ATG2A: variants seen among roughly 807,000 people sequenced by gnomAD.
ATG2A encodes autophagy related 2A.
A neutral mutation model predicts 214.2 loss-of-function variants in ATG2A; 103 were observed. The observed-to-expected ratio is 0.48, with a 90% CI of 0.41 to 0.57. The LOEUF (loss-of-function observed/expected upper bound fraction) is 0.57, where lower values mean the gene tolerates loss of function less well. ATG2A is among the 20% of genes least tolerant of loss of function. ATG2A has a pLI of 0.00. For missense variants in ATG2A, 2,312 were observed against 2,613.2 expected, an observed-to-expected ratio of 0.88 and a Z score of 2.51; for synonymous variants, 1,160 against 1,142.1, an observed-to-expected ratio of 1.02 and a Z score of -0.32.
rs1464868459 is a variant in ATG2A at position 64,897,933 on chromosome 11, C to T, written c.4900G>A (p.Gly1634Arg). 1 of 1,549,390 alleles carries T rather than the reference C, an allele frequency of 6.5e-7. No homozygotes were observed. The highest frequency in any genetic ancestry group is 8.7e-7 in the Non-Finnish European group (1 of 1,149,572). Residue 1634 changes from glycine to arginine, a missense_variant, in exon 35 of 41, where the codon GGG (glycine) becomes AGG (arginine). Coordinates refer to ENST00000377264, the MANE Select transcript of ATG2A (RefSeq NM_015104.3). Reference protein sequence around the residue: ...TRAQPSSPLEGQAEGVETTGS... With the variant: ...TRAQPSSPLERQAEGVETTGS... Reference sequence around the variant, plus strand: ...GTGGTCTCTACGCCTTCGGCCTGCCCTTCCAGGGGGCTGCTGGGCTGGGCT... The same window carrying T: ...GTGGTCTCTACGCCTTCGGCCTGCCTTTCCAGGGGGCTGCTGGGCTGGGCT...
chr11:64,895,515 C>G lies in ATG2A; in HGVS notation c.5428-73G>C. ...GTCAGCCCCAGGCCCCCAGGACAGT[C>G]TGAGACCCCACCAGCCCTCAGCCTC... On this transcript the variant is annotated intron_variant, in intron 39 of 40. Transcript: ENST00000377264. The surrounding 1 kb of genome is among the most constrained non-coding windows in gnomAD (Gnocchi z 5.0). 1 of 1,438,968 alleles carries G rather than the reference C, an allele frequency of 6.9e-7. No homozygotes were observed. The highest frequency in any genetic ancestry group is 1.4e-5 in the African/African-American group (1 of 70,054). 89.1% of individuals were successfully genotyped at this position (1,438,968 alleles called of 1,614,324 possible).
In ATG2A at chr11:64,895,176, C is replaced by G. The variant is rs773533718; in HGVS notation, c.5614G>C (p.Val1872Leu). The change falls in exon 41 of 41, where the codon GTG (valine) becomes CTG (leucine). Residue 1872 changes from valine to leucine, a missense_variant. Physicochemically the swap from Val to Leu is conservative, Grantham distance 32. Transcript: ENST00000377264. This position sits in a 1 kb window ranked among gnomAD's most constrained non-coding sequence, Gnocchi z 5.0. The stretch of plus-strand genomic sequence containing the variant: ...TTCTGCTCATGGCCCCGCGATGCCA[C>G]GTCACAGATGGTCTGAGCTGTATCC... ...ILDTAQTICD[V>L]ASRGHEQKGL... The G allele has an allele frequency of 1.2e-5, 20 of 1,613,060 alleles. No individual in the cohort carries two copies. Among genetic ancestry groups the G allele is most frequent in the Non-Finnish European group, 1.6e-5 (19 of 1,179,592 alleles).
chr11:64,903,410 G>A lies in ATG2A; in HGVS notation c.3536-46C>T. 1 of 1,601,896 alleles carries A rather than the reference G, an allele frequency of 6.2e-7. No individual in the cohort carries two copies. The highest frequency in any genetic ancestry group is 8.5e-7 in the Non-Finnish European group (1 of 1,170,238). The stretch of plus-strand genomic sequence containing the variant: ...AGGTCCTGTGGCCCCCTTCCACCCG[G>A]CCCCGGCCCCAGCACCTGGGGGAAG... On this transcript the variant is annotated intron_variant, in intron 25 of 40. Transcript: ENST00000377264. This position sits in a 1 kb window ranked among gnomAD's most constrained non-coding sequence, Gnocchi z 4.2.
chr11:64,912,518 G>A, intron 6 of ATG2A, 95 bp from the exon 7 acceptor site: 2 of 1,068,726 alleles, frequency 1.9e-6, no homozygotes, highest in African/African-American at 1.6e-5. Context: ...AAAGCAGGAT[G>A]CTGGCTACCA....
chr11:64,910,959 G>A lies in ATG2A; in HGVS notation c.1467-5C>T, dbSNP rs531963843. 6.8e-6 allele frequency: 11 copies of A among 1,613,400 alleles called. No homozygotes were observed. The highest frequency in any genetic ancestry group is 1.3e-5 in the African/African-American group (1 of 75,062). ...TGCACGGCTGTGCCCGTTAGCCTGCGGGGAAGAGGACAGGCGTCAGAAGGT... is the reference window on the plus strand; with the variant it reads ...TGCACGGCTGTGCCCGTTAGCCTGCAGGGAAGAGGACAGGCGTCAGAAGGT... On this transcript the variant is annotated splice_region_variant and splice_polypyrimidine_tract_variant and intron_variant, in intron 10 of 40. Transcript: ENST00000377264.
In ATG2A at chr11:64,912,111, TTGGTAAGGGGGTC is replaced by T; in HGVS notation, c.1048_1060del (p.Asp350ThrfsTer34). On this transcript the variant is annotated frameshift_variant, in exon 8 of 41. Transcript: ENST00000377264. LOFTEE classifies it high-confidence loss of function. ...AGTGTTATCCAGGTTGAGAAGGGGG[TTGGTAAGGGGGTC>T]TGGGCTGAGGGGCTCAGCCACTGCC... is the stretch of plus-strand genomic sequence containing the variant. 1 of 1,613,226 alleles carries T rather than the reference TTGGTAAGGGGGTC, an allele frequency of 6.2e-7. No individual in the cohort carries two copies. Among genetic ancestry groups the T allele is most frequent in the Non-Finnish European group, 8.5e-7 (1 of 1,179,630 alleles).
At position 64,894,906 on chromosome 11, in the gene ATG2A, G is replaced by A. The variant is rs556994668; in HGVS notation, c.*67C>T. On this transcript the variant is annotated 3_prime_UTR_variant, in exon 41 of 41. Coordinates refer to ENST00000377264, the MANE Select transcript of ATG2A (RefSeq NM_015104.3). Reference sequence around the variant, plus strand: ...AGGGCCAGGCCGGGCCGGGCCCGTGGGCTGCAGCTCTTGGGAGGCTCAGGA... The same window carrying A: ...AGGGCCAGGCCGGGCCGGGCCCGTGAGCTGCAGCTCTTGGGAGGCTCAGGA... 1.0e-4 allele frequency: 163 copies of A among 1,579,672 alleles called. No individual in the cohort carries two copies. In the African/African-American group the frequency reaches 2.0e-3, roughly 19 times the overall value.
chr11:64,911,259 G>T lies in ATG2A; in HGVS notation c.1245C>A (p.Asn415Lys), dbSNP rs769458400. Residue 415 changes from asparagine to lysine, a missense_variant, in exon 10 of 41, where the codon AAC becomes AAA. Asn to Lys is a moderately conservative substitution (Grantham distance 94, BLOSUM62 0). Transcript: ENST00000377264. ...QAHPAGKMAP[N>K]PLLDTMRPDS... ...CAGGGCGCATGGTGTCCAGGAGGGG[G>T]TTGGGGGCCATCTTGCCTGAGGGGA... 2.5e-6 allele frequency: 4 copies of T among 1,613,796 alleles called. No individual in the cohort carries two copies. In the South Asian group the frequency reaches 4.4e-5, roughly 18 times the overall value.
intron 31 of ATG2A, 143 bp downstream of exon 31, chr11:64,900,351 A>G: frequency 3.1e-6 from 4 of 1,283,378 alleles, no homozygotes; most frequent in Non-Finnish European, 4.4e-6. Flanking sequence ...GACACACTCG[A>G]TACATCTTGG....
At position 64,894,924 on chromosome 11, in the gene ATG2A, G is replaced by T; in HGVS notation, c.*49C>A. 1 of 1,599,518 alleles carries T rather than the reference G, an allele frequency of 6.3e-7. No homozygotes were observed. Among genetic ancestry groups the T allele is most frequent in the Non-Finnish European group, 8.5e-7 (1 of 1,170,630 alleles). ...GCCCGTGGGCTGCAGCTCTTGGGAG[G>T]CTCAGGAGCATGGTGGGCAGCACCC... On this transcript the variant is annotated 3_prime_UTR_variant, in exon 41 of 41. Transcript: ENST00000377264.
intron 37 of ATG2A, 166 bp downstream of exon 37, chr11:64,897,245 GC>G (rs1410363561): frequency 1.3e-6 from 1 of 770,474 alleles, no homozygotes; most frequent in Non-Finnish European, 2.1e-6. Flanking sequence ...GGTCTCGAAT[GC>G]CTGAATGTGT....
In ATG2A at chr11:64,894,668, T is replaced by TGGCTGAGTGGGATGGGGTCC; in HGVS notation, c.*285_*304dup. On this transcript the variant is annotated 3_prime_UTR_variant, in exon 41 of 41. Coordinates refer to ENST00000377264, the MANE Select transcript of ATG2A (RefSeq NM_015104.3). Reference sequence around the variant, plus strand: ...CTCCCCCCAGACACAGAAAGACACTTGGCTGAGTGGGATGGGGTCCGAGGG... The same window carrying TGGCTGAGTGGGATGGGGTCC: ...CTCCCCCCAGACACAGAAAGACACTTGGCTGAGTGGGATGGGGTCCGGCTGAGTGGGATGGGGTCCGAGGG... The TGGCTGAGTGGGATGGGGTCC allele has an allele frequency of 1.5e-6, 1 of 655,654 alleles. No homozygotes were observed. Among genetic ancestry groups the TGGCTGAGTGGGATGGGGTCC allele is most frequent in the African/African-American group, 1.8e-5 (1 of 56,430 alleles). The allele number at this position is 655,654 out of a possible 1,614,324, so 40.6% of individuals were successfully genotyped here.
Position 64,913,910 on chromosome 11 carries a change from G to A in ATG2A, c.501C>T (p.Ile167=). 6.2e-7 allele frequency: 1 copy of A among 1,613,968 alleles called. No homozygotes were observed. The highest frequency in any genetic ancestry group is 8.5e-7 in the Non-Finnish European group (1 of 1,179,950). ...AQTIETVLRR[I]KVTFLDTVVR... is the part of the protein sequence containing the mutation. Reference sequence around the variant, plus strand: ...CGACAGTGTCCAGGAAGGTCACTTTGATCCTCCGAAGCACTGAGGAGTTGG... The same window carrying A: ...CGACAGTGTCCAGGAAGGTCACTTTAATCCTCCGAAGCACTGAGGAGTTGG... The change falls in exon 4 of 41, where the codon ATC becomes ATT. Residue 167 remains isoleucine, a synonymous_variant. Coordinates refer to ENST00000377264, the MANE Select transcript of ATG2A (RefSeq NM_015104.3). The surrounding 1 kb of genome is among the most constrained non-coding windows in gnomAD (Gnocchi z 4.3).
Position 64,898,432 on chromosome 11 carries a change from G to T in ATG2A, c.4672-70C>A. 1 of 1,419,416 alleles carries T rather than the reference G, an allele frequency of 7.0e-7. No homozygotes were observed. Among genetic ancestry groups the T allele is most frequent in the Non-Finnish European group, 9.5e-7 (1 of 1,047,770 alleles). The allele number at this position is 1,419,416 out of a possible 1,614,324, so 87.9% of individuals were successfully genotyped here. ...GCAGCAGCTCACCCAGCTGTTCCCT[G>T]ACAGCTCACCCAGCCACCCTGCCTC... is the stretch of plus-strand genomic sequence containing the variant. On this transcript the variant is annotated intron_variant, in intron 32 of 40. Coordinates refer to ENST00000377264, the MANE Select transcript of ATG2A (RefSeq NM_015104.3). The surrounding 1 kb of genome is among the most constrained non-coding windows in gnomAD (Gnocchi z 4.5).
chr11:64,912,055 C>A (rs1469478969), intron 8 of ATG2A, 30 bp downstream of exon 8: 1 of 1,612,512 alleles, frequency 6.2e-7, no homozygotes, highest in Non-Finnish European at 8.5e-7. Flanking sequence ...ACTAGCTGCC[C>A]CTCCAACCAC....
Position 64,901,958 on chromosome 11 carries a change from G to A in ATG2A, c.4119+4C>T, listed in dbSNP as rs376780421. On this transcript the variant is annotated splice_donor_region_variant and intron_variant, in intron 29 of 40. Transcript: ENST00000377264. The stretch of plus-strand genomic sequence containing the variant: ...CAAACTGGTCCATCCCTCCCACCAC[G>A]CACCGGGATGCCCAGGCCGGGAGCA... The A allele has an allele frequency of 5.2e-5, 84 of 1,611,802 alleles. No homozygotes were observed. Among genetic ancestry groups the A allele is most frequent in the Admixed American group, 1.0e-4 (6 of 60,000 alleles).
chr11:64,902,397 C>T lies in ATG2A; in HGVS notation c.3778-11G>A. The T allele has an allele frequency of 1.3e-6, 2 of 1,552,798 alleles. No individual in the cohort carries two copies. Among genetic ancestry groups the T allele is most frequent in the East Asian group, 4.8e-5 (2 of 41,672 alleles). On this transcript the variant is annotated splice_polypyrimidine_tract_variant and intron_variant, in intron 27 of 40. Coordinates refer to ENST00000377264, the MANE Select transcript of ATG2A (RefSeq NM_015104.3). ...AGGACTCTCCGAGAGCTGGGCCAGGCAGGGGAGGAGCAATGAGTGAGACAG... is the reference window on the plus strand; with the variant it reads ...AGGACTCTCCGAGAGCTGGGCCAGGTAGGGGAGGAGCAATGAGTGAGACAG...
chr11:64,906,972 G>T (rs1257984007), intron 19 of ATG2A, among the ~76,000 whole-genome samples, 157 bp from the exon 20 acceptor site: 2 of 152,212 alleles, frequency 1.3e-5, no homozygotes, highest in Admixed American at 6.5e-5. Context: ...TGCCTCTTTT[G>T]CCAGGAGAAA....
Position 64,911,495 on chromosome 11 carries a change from G to C in ATG2A, c.1229-220C>G, listed in dbSNP as rs79812222. Among the ~76,000 whole-genome samples the C allele has an allele frequency of 6.6e-4, 100 of 152,242 alleles. 1 individual carries two copies. In the East Asian group the frequency reaches 0.019, roughly 28 times the overall value. ...CCTCCTCAGGGTGCTGGAAGGACAG[G>C]ATGTGATAAAGCACCCAGCCTAGCA... On this transcript the variant is annotated intron_variant, in intron 9 of 40. Transcript: ENST00000377264.
Sources: gnomAD v4.1 joint callset for allele counts (sites outside exome capture counted in the v4.1 genomes callset) on GRCh38, gnomAD v4.1.1 for gene constraint, Gnocchi (gnomAD v3.1) non-coding constraint, MANE v1.5 for transcripts, NCBI Gene and HGNC (gene_info 2026-07-23, HGNC 2026-07-21) for gene names.